The following KCNH7 variants were observed in gnomAD, a reference collection of about 807,000 sequenced individuals.
KCNH7 encodes voltage-gated inwardly rectifying potassium channel KCNH7.
A neutral mutation model predicts 120.8 loss-of-function variants in KCNH7; 49 were observed. The ratio of observed to expected loss-of-function variants is 0.41; its 90% CI spans 0.32 to 0.51. The LOEUF is 0.51. Among genes scored for constraint, KCNH7 ranks in the 20% least tolerant of loss-of-function variants. The pLI, the probability that KCNH7 is intolerant of heterozygous loss-of-function variation, is 0.38. For synonymous variants in KCNH7, 547 were observed against 516.1 expected, an observed-to-expected ratio of 1.06 and a Z score of -0.81; for missense variants, 1,097 against 1,446.6, an observed-to-expected ratio of 0.76 and a Z score of 3.92.
intron 2 of KCNH7, among the ~76,000 whole-genome samples, chr2:162,604,896 T>A (rs1694680026): frequency 6.6e-6 from 1 of 152,078 alleles, no homozygotes; most frequent in South Asian, 2.1e-4. Context: ...AAAGAAATAT[T>A]AAAAACTGGA....
At chr2:162,779,077 T>A (rs1383282878) in intron 2 of KCNH7, among the ~76,000 whole-genome samples, 1 of 152,300 alleles carries the variant, frequency 6.6e-6, no homozygotes, top group Non-Finnish European at 1.5e-5. Context: ...CAGTTTAATT[T>A]GTTTTGTTTT....
intron 2 of KCNH7, among the ~76,000 whole-genome samples, chr2:162,719,071 G>A (rs1021454351): frequency 7.2e-5 from 11 of 152,010 alleles, no homozygotes; most frequent in South Asian, 2.1e-4. Context: ...CATTGGGTAC[G>A]TATGTATATA....
chr2:162,561,283 A>G (rs1053727491), intron 2 of KCNH7, among the ~76,000 whole-genome samples: 3 of 152,016 alleles, frequency 2.0e-5, no homozygotes, highest in African/African-American at 4.8e-5. Flanking sequence ...TGCTTTTGCT[A>G]TGAAGCAGTC....
At chr2:162,427,507 A>G (rs188487987) in intron 8 of KCNH7, among the ~76,000 whole-genome samples, 1 of 152,004 alleles carries the variant, frequency 6.6e-6, no homozygotes, top group Non-Finnish European at 1.5e-5. Flanking sequence ...ATATTTTGTG[A>G]ACTGTCTTTT....
chr2:162,553,576 G>A (rs944397084), intron 2 of KCNH7, among the ~76,000 whole-genome samples: 4 of 152,112 alleles, frequency 2.6e-5, no homozygotes, highest in African/African-American at 9.7e-5. Context: ...GTGAACCCGG[G>A]AGGTGGAGCT....
intron 2 of KCNH7, among the ~76,000 whole-genome samples, chr2:162,573,384 A>G (rs1559022880): frequency 6.6e-6 from 1 of 152,064 alleles, no homozygotes; most frequent in Non-Finnish European, 1.5e-5. Flanking sequence ...TGAAAGATAT[A>G]CAAAAATGAA....
chr2:162,754,018 T>C (rs1236755162), intron 2 of KCNH7, among the ~76,000 whole-genome samples: 1 of 152,070 alleles, frequency 6.6e-6, no homozygotes, highest in Non-Finnish European at 1.5e-5. Flanking sequence ...TAAAAGCATT[T>C]TGAACAAGAT....
chr2:162,591,581 T>G (rs1694218870), intron 2 of KCNH7, among the ~76,000 whole-genome samples: 1 of 152,050 alleles, frequency 6.6e-6, no homozygotes, highest in Non-Finnish European at 1.5e-5. Flanking sequence ...TTGCATGCAG[T>G]GGCTCGTAAG....
At chr2:162,523,861 A>C (rs980717882) in intron 3 of KCNH7, among the ~76,000 whole-genome samples, 2 of 151,914 alleles carry the variant, frequency 1.3e-5, no homozygotes, top group Non-Finnish European at 2.9e-5. Flanking sequence ...GCAAAAACCC[A>C]ATTAAATATA....
chr2:162,463,003 A>G (rs143932771), intron 6 of KCNH7, among the ~76,000 whole-genome samples: 11 of 152,162 alleles, frequency 7.2e-5, no homozygotes, highest in African/African-American at 2.2e-4. Context: ...AGCAAATGTG[A>G]TATCTCCATC....
intron 6 of KCNH7, among the ~76,000 whole-genome samples, chr2:162,478,642 C>A (rs140731793): frequency 3.2e-4 from 48 of 152,248 alleles, no homozygotes; most frequent in Middle Eastern, 3.4e-3. Context: ...AAGTCCTCAT[C>A]TGAATTAATG....
At chr2:162,788,988 T>TAAAAAAAAAAAAAAAAAAAAAAAAAAA (rs61348204) in intron 2 of KCNH7, among the ~76,000 whole-genome samples, 2 of 105,164 alleles carry the variant, frequency 1.9e-5, no homozygotes, top group African/African-American at 3.6e-5. Flanking sequence ...AGGTACTGGT[T>TAAAAAAAAAAAAAAAAAAAAAAAAAAA]AAAAAAAAAA....
At chr2:162,451,653 G>A (rs1399498713) in intron 6 of KCNH7, among the ~76,000 whole-genome samples, 1 of 151,944 alleles carries the variant, frequency 6.6e-6, no homozygotes, top group Admixed American at 6.6e-5. Flanking sequence ...TGGAAGGCTG[G>A]GCTCACCCAA....
rs541771432 is a variant in KCNH7 at position 162,770,704 on chromosome 2, TTTCTC to T, written c.307+65828_307+65832del. On this transcript the variant is annotated intron_variant, in intron 2 of 15. Coordinates refer to ENST00000332142, the MANE Select transcript of KCNH7 (RefSeq NM_033272.4). ...CATGAATCTTTATTTATTTTCACCTTTTCTCTTCCTCTTATGTTCTTGTGTATTAT... is the reference window on the plus strand; with the variant it reads ...CATGAATCTTTATTTATTTTCACCTTTTCCTCTTATGTTCTTGTGTATTAT... Among the ~76,000 whole-genome samples, 429 of 151,968 alleles carry T rather than the reference TTTCTC, an allele frequency of 2.8e-3. 2 individuals carry two copies. The highest frequency in any genetic ancestry group is 9.9e-3 in the African/African-American group (411 of 41,466).
chr2:162,533,810 A>C (rs543192588), intron 3 of KCNH7, among the ~76,000 whole-genome samples: 6 of 151,684 alleles, frequency 4.0e-5, no homozygotes, highest in East Asian at 1.9e-4. Flanking sequence ...ACAGCATAAT[A>C]ATAAGGCAGA....
intron 3 of KCNH7, among the ~76,000 whole-genome samples, chr2:162,518,405 G>A (rs1399614798): frequency 6.6e-6 from 1 of 151,738 alleles, no homozygotes; most frequent in Non-Finnish European, 1.5e-5. Context: ...TGACATAAAA[G>A]TATTTTGATG....
At chr2:162,429,739 C>G (rs967322928) in intron 8 of KCNH7, among the ~76,000 whole-genome samples, 2 of 151,634 alleles carry the variant, frequency 1.3e-5, no homozygotes, top group Non-Finnish European at 2.9e-5. Context: ...ATGATGTGCA[C>G]CAGTGTATTT....
intron 6 of KCNH7, among the ~76,000 whole-genome samples, chr2:162,472,155 T>C (rs945060693): frequency 6.6e-6 from 1 of 152,176 alleles, no homozygotes; most frequent in Non-Finnish European, 1.5e-5. Flanking sequence ...ACCTAGGCAA[T>C]ACTATTCAGG....
rs1340332014 is a variant in KCNH7 at position 162,450,267 on chromosome 2, G to A, written c.1129-3824C>T. Among the ~76,000 whole-genome samples, 3 of 152,082 alleles carry A rather than the reference G, an allele frequency of 2.0e-5. No homozygotes were observed. The South Asian group carries it at 6.2e-4, about 32-fold the overall frequency. On this transcript the variant is annotated intron_variant, in intron 6 of 15. Transcript: ENST00000332142. Reference sequence around the variant, plus strand: ...GATTATCTAAACACATTATCTCTTAGTACTGGGAGTTCATGTGTTGTATTC... The same window carrying A: ...GATTATCTAAACACATTATCTCTTAATACTGGGAGTTCATGTGTTGTATTC...
Sources: allele counts gnomAD v4.1 joint callset (sites outside exome capture counted in the v4.1 genomes callset), GRCh38; gene constraint gnomAD v4.1.1; transcripts MANE v1.5; gene names NCBI Gene and HGNC (gene_info 2026-07-23, HGNC 2026-07-21).